STARD8: variants seen among roughly 807,000 people sequenced by gnomAD.
The protein encoded by STARD8 is StAR related lipid transfer domain containing 8, also known as stAR-related lipid transfer protein 8.
Under a neutral mutation model 69.4 loss-of-function variants are expected in STARD8, and 25 were observed. The ratio of observed to expected loss-of-function variants is 0.36; its 90% confidence interval spans 0.26 to 0.50. STARD8 has a LOEUF of 0.50. Among genes scored for constraint, STARD8 ranks in the 20% least tolerant of loss-of-function variants. The pLI is 0.96. For synonymous variants in STARD8, 389 were observed against 374.6 expected, an observed-to-expected ratio of 1.04 and a Z score of -0.45; for missense variants, 921 against 932.5, an observed-to-expected ratio of 0.99 and a Z score of 0.16.
Position 68,665,638 on chromosome X carries a change from C to T in STARD8, c.79+106C>T, listed in dbSNP as rs757563545. The T allele has an allele frequency of 2.3e-4, 199 of 869,045 alleles. No homozygotes were observed. In the African/African-American group the frequency reaches 3.4e-3, roughly 15 times the overall value. The allele number at this position is 869,045 out of a possible 1,213,427, so 71.6% of individuals were successfully genotyped here. On this transcript the variant is annotated intron_variant, in intron 2 of 14. Coordinates refer to ENST00000374599, the MANE Select transcript of STARD8 (RefSeq NM_001142503.3). ...GTCCCTGGGCAGCAGAGCCAACGGCCGAGATGCAAAAGCCGGAGACATCCT... is the reference window on the plus strand; with the variant it reads ...GTCCCTGGGCAGCAGAGCCAACGGCTGAGATGCAAAAGCCGGAGACATCCT...
chrX:68,718,944 C>A (rs1453167005), intron 6 of STARD8, among the ~76,000 whole-genome samples: 1 of 110,508 alleles, frequency 9.0e-6, no homozygotes, highest in Non-Finnish European at 1.9e-5. Flanking sequence ...CTTGGAGCAG[C>A]CCCTCCACAG....
At chrX:68,711,391 G>C (rs1400595424) in intron 2 of STARD8, among the ~76,000 whole-genome samples, 6 of 111,660 alleles carry the variant, frequency 5.4e-5, no homozygotes, top group Non-Finnish European at 9.4e-5. Context: ...GACATGAGCA[G>C]ATTTGGCTAC....
Position 68,721,595 on chromosome X carries a change from G to A in STARD8, c.2308G>A (p.Glu770Lys). The change falls in exon 10 of 15, where the codon GAG becomes AAG. Residue 770 changes from glutamate (E) to lysine (K), a missense_variant. By Grantham distance (56) the Glu-to-Lys change is moderately conservative. Transcript: ENST00000374599. ...AQAATLLLPD[E>K]NREVLQTLLY... is the part of the protein sequence containing the mutation. ...AGCCGCCACCTTGCTGCTCCCCGAT[G>A]AGAACCGAGAGGTGCTACAGACCCT... 1 of 1,212,018 alleles carries A rather than the reference G, an allele frequency of 8.3e-7. No homozygotes were observed. The highest frequency in any genetic ancestry group is 1.1e-6 in the Non-Finnish European group (1 of 895,602).
At chrX:68,673,154 T>A (rs2079740460) in intron 2 of STARD8, among the ~76,000 whole-genome samples, 1 of 111,939 alleles carries the variant, frequency 8.9e-6, no homozygotes, top group South Asian at 3.8e-4. Context: ...TGCCCAGAGA[T>A]GTCCTGCTCC....
At chrX:68,678,349 G>A (rs1011607774) in intron 2 of STARD8, among the ~76,000 whole-genome samples, 2 of 111,311 alleles carry the variant, frequency 1.8e-5, no homozygotes, top group Non-Finnish European at 3.8e-5. Context: ...AAAAGTAGAG[G>A]GGGCCCAAAG....
intron 2 of STARD8, among the ~76,000 whole-genome samples, chrX:68,668,153 TTCTTTCTCCTTC>T (rs369692134): frequency 4.8e-4 from 50 of 104,477 alleles, no homozygotes; most frequent in East Asian, 1.5e-3. Flanking sequence ...TCTTTCTTTC[TTCTTTCTCCTTC>T]TCTTTCTCCT....
chrX:68,722,389 G>T, intron 11 of STARD8, 33 bp from the exon 12 acceptor site: 1 of 1,145,564 alleles, frequency 8.7e-7, no homozygotes, highest in South Asian at 2.0e-5. Flanking sequence ...CTGCTCTCTG[G>T]AGCTGCAGCC....
intron 2 of STARD8, among the ~76,000 whole-genome samples, chrX:68,706,900 C>A (rs1308447432): frequency 1.8e-5 from 2 of 113,085 alleles, no homozygotes; most frequent in East Asian, 5.6e-4. Flanking sequence ...AAGAAATGAT[C>A]TGAGAAGCAG....
chrX:68,724,021 G>C lies in STARD8; in HGVS notation c.3094G>C (p.Glu1032Gln). ...QSLDPEQPVP[E>Q]SGVRALMLTS... ...CCTGGATCCGGAACAACCTGTGCCA[G>C]AGTCGGGTGTGCGAGCCCTCATGCT... The change falls in exon 14 of 15, where the codon GAG becomes CAG. Residue 1032 changes from glutamate to glutamine, a missense_variant. Glu to Gln is a conservative substitution (Grantham distance 29, BLOSUM62 2). Transcript: ENST00000374599. The C allele has an allele frequency of 8.2e-7, 1 of 1,212,256 alleles. No homozygotes were observed. The highest frequency in any genetic ancestry group is 1.1e-6 in the Non-Finnish European group (1 of 895,647).
chrX:68,661,997 T>A (rs2079653077), intron 1 of STARD8, among the ~76,000 whole-genome samples: 1 of 94,312 alleles, frequency 1.1e-5, no homozygotes, highest in African/African-American at 4.1e-5. Flanking sequence ...TCTTTCTTTC[T>A]TTCTTTCTTT....
rs1004867103 is a variant in STARD8, at chrX:68,717,114, C to T, written c.298-98C>T. On this transcript the variant is annotated intron_variant, in intron 5 of 14. Coordinates refer to ENST00000374599, the MANE Select transcript of STARD8 (RefSeq NM_001142503.3). ...CTCAGCCAGAAAGCAGGGCCCTTCA[C>T]CTCAGAGTCCCCCAAGAGTTTGGAA... is the stretch of plus-strand genomic sequence containing the variant. The T allele has an allele frequency of 4.6e-6, 5 of 1,076,665 alleles. No individual in the cohort carries two copies. In the African/African-American group the frequency reaches 5.7e-5, roughly 12 times the overall value. The allele number at this position is 1,076,665 out of a possible 1,213,427, so 88.7% of individuals were successfully genotyped here. A position where few individuals can be genotyped will look rare whatever the true frequency, so the allele number is the denominator to read the frequency against.
At chrX:68,721,836 G>A (rs368125322) in intron 10 of STARD8, 90 bp downstream of exon 10, 1 of 964,707 alleles carries the variant, frequency 1.0e-6, no homozygotes, top group Non-Finnish European at 1.4e-6. Flanking sequence ...TGGCACTGCT[G>A]TGTCTCAGCC....
chrX:68,674,293 C>CA (rs60245351), intron 2 of STARD8, among the ~76,000 whole-genome samples: 1,550 of 35,254 alleles, frequency 0.044, 21 homozygotes, highest in South Asian at 0.11. Flanking sequence ...AACTCCGTCT[C>CA]AAAAAAAAAA....
chrX:68,722,627 C>T lies in STARD8; in HGVS notation c.2780C>T (p.Thr927Met), dbSNP rs143306433. ...ATGAGCGTGCCAGGGCCCCAGCACA[C>T]GGAGCTGGCTTGCAGGAAGGTGAGT... ...GWMSVPGPQH[T>M]ELACRKAPDG... The change falls in exon 12 of 15, where the codon ACG becomes ATG. Residue 927 changes from threonine to methionine, a missense_variant. Thr to Met is a moderately conservative substitution (Grantham distance 81, BLOSUM62 -1). Transcript: ENST00000374599. 5.0e-5 allele frequency: 61 copies of T among 1,210,131 alleles called. No individual in the cohort carries two copies. Among genetic ancestry groups the T allele is most frequent in the East Asian group, 3.0e-4 (10 of 33,755 alleles).
intron 2 of STARD8, among the ~76,000 whole-genome samples, chrX:68,676,582 G>A (rs935636344): frequency 8.9e-6 from 1 of 111,758 alleles, no homozygotes; most frequent in African/African-American, 3.3e-5. Flanking sequence ...ATTCTCTGAA[G>A]CTCAGCTCAA....
chrX:68,653,705 T>TACACCACACACACCACACCACACAC (rs1569351480), intron 1 of STARD8, among the ~76,000 whole-genome samples: 13 of 32,852 alleles, frequency 4.0e-4, no homozygotes, highest in Non-Finnish European at 7.4e-4. Flanking sequence ...ACACCACACA[T>TACACCACACACACCACACCACACAC]ACACCACACA....
intron 9 of STARD8, 33 bp from the exon 10 acceptor site, chrX:68,721,503 A>G: frequency 8.3e-7 from 1 of 1,198,213 alleles, no homozygotes; most frequent in Non-Finnish European, 1.1e-6. Context: ...CTGGGGAAGT[A>G]AGGAAGGCTC....
intron 1 of STARD8, 42 bp from the exon 2 acceptor site, chrX:68,665,457 C>T: frequency 1.7e-6 from 2 of 1,187,848 alleles, no homozygotes; most frequent in Non-Finnish European, 2.3e-6. Context: ...TCAGATATTG[C>T]ATCTCTGCAA....
intron 1 of STARD8, among the ~76,000 whole-genome samples, chrX:68,654,607 T>A (rs2079600267): frequency 1.8e-5 from 2 of 111,635 alleles, no homozygotes; most frequent in Non-Finnish European, 3.8e-5. Context: ...TCAAGCACCA[T>A]CTCCTGTGAA....
Sources: allele counts gnomAD v4.1 joint callset (sites outside exome capture counted in the v4.1 genomes callset), GRCh38; gene constraint gnomAD v4.1.1; transcripts MANE v1.5; gene names NCBI Gene and HGNC (gene_info 2026-07-23, HGNC 2026-07-21).